Variants in ZFHX3 observed in about 807,000 individuals in gnomAD.
The protein encoded by ZFHX3 is zinc finger homeobox protein 3.
A neutral mutation model predicts 279.1 loss-of-function variants in ZFHX3; 42 were observed. The ratio of observed to expected loss-of-function variants is 0.15; its 90% CI spans 0.12 to 0.19. ZFHX3 has a LOEUF of 0.19. Among genes scored for constraint, ZFHX3 ranks in the 10% least tolerant of loss-of-function variants. The probability of loss-of-function intolerance (pLI) is 1.00; values close to 1 mark genes in which losing one functional copy is unlikely to be tolerated. For missense variants in ZFHX3, 4,981 were observed against 4,754.0 expected (o/e 1.05, Z -1.40); for synonymous variants, 2,293 against 1,957.8 (o/e 1.17, Z -4.52).
chr16:73,736,174 C>T lies in ZFHX3; in HGVS notation c.-1607-55934G>A, dbSNP rs890561829. 7.9e-5 allele frequency among the ~76,000 whole-genome samples: 12 copies of T among 152,218 alleles called. No homozygotes were observed. The South Asian group carries it at 2.5e-3, about 32-fold the overall frequency. On this transcript the variant is annotated intron_variant, in intron 1 of 17. Coordinates refer to the ZFHX3 transcript ENST00000641206. ...AGACAGATGGGGATTCTAGTTTGTG[C>T]CCACAGATTCAGTGATCCCTGTGGG...
chr16:73,414,181 G>A (rs985724444), intron 3 of ZFHX3, among the ~76,000 whole-genome samples: 1 of 152,230 alleles, frequency 6.6e-6, no homozygotes, highest in Non-Finnish European at 1.5e-5. Flanking sequence ...ACCTTCAAGT[G>A]TAGTTACTCC....
intron 5 of ZFHX3, among the ~76,000 whole-genome samples, chr16:73,189,782 C>T (rs959639929): frequency 6.6e-6 from 1 of 152,124 alleles, no homozygotes. Context: ...GGGAACTCCT[C>T]CTTGTCTGTA....
At chr16:73,426,786 G>C (rs2017818134) in intron 3 of ZFHX3, among the ~76,000 whole-genome samples, 1 of 152,068 alleles carries the variant, frequency 6.6e-6, no homozygotes, top group South Asian at 2.1e-4. Flanking sequence ...ATACTCAAAA[G>C]ATACACCTTG....
chr16:73,469,333 G>T (rs577179797), intron 2 of ZFHX3, among the ~76,000 whole-genome samples: 10 of 152,308 alleles, frequency 6.6e-5, no homozygotes, highest in Admixed American at 2.0e-4. Flanking sequence ...GCCAGACAAG[G>T]TTCCTTGAAG....
At chr16:73,374,899 T>C (rs1009642260) in intron 3 of ZFHX3, among the ~76,000 whole-genome samples, 3 of 152,216 alleles carry the variant, frequency 2.0e-5, no homozygotes, top group African/African-American at 7.2e-5. Context: ...TTAACTTCTT[T>C]GGCAAGACTG....
At chr16:73,416,766 A>C (rs11646684) in intron 3 of ZFHX3, among the ~76,000 whole-genome samples, 49,066 of 132,062 alleles carry the variant, frequency 0.37, 12,991 homozygotes, top group Non-Finnish European at 0.56. Flanking sequence ...CCCAGCTACC[A>C]GGGAGGCTGA....
At chr16:72,941,645 C>A (rs1043190042) in intron 3 of ZFHX3, among the ~76,000 whole-genome samples, 12 of 148,562 alleles carry the variant, frequency 8.1e-5, no homozygotes, top group Admixed American at 6.6e-5. Context: ...ATAGTGAGAC[C>A]CTGTTTCTAT....
chr16:73,031,669 CAG>C (rs1008647967), intron 1 of ZFHX3, among the ~76,000 whole-genome samples: 14 of 152,230 alleles, frequency 9.2e-5, no homozygotes, highest in African/African-American at 3.4e-4. Context: ...TGACTGGACT[CAG>C]AGCCACCACA....
intron 2 of ZFHX3, among the ~76,000 whole-genome samples, chr16:73,641,911 T>C (rs1044522334): frequency 3.9e-5 from 6 of 152,288 alleles, no homozygotes; most frequent in African/African-American, 1.4e-4. Context: ...TTGGTCTCTC[T>C]GTGAAATTCT....
chr16:73,097,739 G>A (rs769866024), intron 7 of ZFHX3, among the ~76,000 whole-genome samples: 1 of 151,966 alleles, frequency 6.6e-6, no homozygotes, highest in Non-Finnish European at 1.5e-5. Flanking sequence ...CCCCGTCCCC[G>A]TGGCCCCTCC....
chr16:73,466,810 G>T (rs1353120448), intron 2 of ZFHX3, among the ~76,000 whole-genome samples: 1 of 152,166 alleles, frequency 6.6e-6, no homozygotes, highest in African/African-American at 2.4e-5. Context: ...AGAGCTAGGA[G>T]ATCTCATATT....
chr16:73,080,521 A>G (rs1450223370), intron 8 of ZFHX3, among the ~76,000 whole-genome samples: 1 of 152,168 alleles, frequency 6.6e-6, no homozygotes, highest in African/African-American at 2.4e-5. Context: ...GAATCTGACA[A>G]TCTGGGGTAG....
chr16:73,737,060 G>T (rs371776082), intron 1 of ZFHX3, among the ~76,000 whole-genome samples: 1 of 151,836 alleles, frequency 6.6e-6, no homozygotes, highest in African/African-American at 2.4e-5. Context: ...TTAAGACAGG[G>T]TCTCACTCTA....
At chr16:73,595,654 T>C (rs2052041172) in intron 2 of ZFHX3, among the ~76,000 whole-genome samples, 1 of 152,184 alleles carries the variant, frequency 6.6e-6, no homozygotes, top group Non-Finnish European at 1.5e-5. Flanking sequence ...TTTTCCAAGA[T>C]TATCTTGACT....
intron 1 of ZFHX3, among the ~76,000 whole-genome samples, chr16:73,760,669 G>A (rs767248533): frequency 6.6e-6 from 1 of 152,082 alleles, no homozygotes. Context: ...GCTGGTTCAA[G>A]ATATGCAAAT....
intron 1 of ZFHX3, among the ~76,000 whole-genome samples, chr16:73,712,899 C>A (rs543735572): frequency 2.0e-5 from 3 of 152,212 alleles, no homozygotes; most frequent in Non-Finnish European, 4.4e-5. Flanking sequence ...AGGCCATTTG[C>A]GCTAGCTTGA....
intron 2 of ZFHX3, chr16:73,499,757 T>C (rs2019202500): frequency 6.6e-6 from 1 of 152,202 alleles, no homozygotes; most frequent in Non-Finnish European, 1.5e-5. Flanking sequence ...AGTTTTGTCT[T>C]TTTAAAAATA....
intron 4 of ZFHX3, among the ~76,000 whole-genome samples, chr16:73,275,037 T>G (rs975877466): frequency 6.6e-6 from 1 of 152,222 alleles, no homozygotes; most frequent in Non-Finnish European, 1.5e-5. Flanking sequence ...AGCACAGAGA[T>G]GTACAGAGCC....
At chr16:73,414,078 C>A (rs56235883) in intron 3 of ZFHX3, among the ~76,000 whole-genome samples, 46,357 of 152,152 alleles carry the variant, frequency 0.3, 7,414 homozygotes, top group Middle Eastern at 0.45. Flanking sequence ...ACTTTGACCA[C>A]AGGACTCTTT....
Sources: gnomAD v4.1 joint callset for allele counts (sites outside exome capture counted in the v4.1 genomes callset) on GRCh38, gnomAD v4.1.1 for gene constraint, MANE v1.5 for transcripts, NCBI Gene and HGNC (gene_info 2026-07-23, HGNC 2026-07-21) for gene names.